The following CUX2 variants were observed in gnomAD, a reference collection of about 807,000 sequenced individuals.
CUX2 encodes homeobox protein cut-like 2.
In CUX2, 40 loss-of-function variants were observed where a neutral mutation model predicts 144.8. That is an observed-to-expected ratio of 0.28 (90% CI 0.21 to 0.36). The LOEUF is 0.36. Among genes scored for constraint, CUX2 ranks in the 10% least tolerant of loss-of-function variants. The pLI is 1.00. For missense variants in CUX2, 1,615 were observed against 1,994.0 expected, an observed-to-expected ratio of 0.81 and a Z score of 3.62; for synonymous variants, 827 against 875.6, an observed-to-expected ratio of 0.94 and a Z score of 0.98.
intron 21 of CUX2, among the ~76,000 whole-genome samples, chr12:111,346,927 G>T (rs1279705448): frequency 1.3e-5 from 2 of 152,090 alleles, no homozygotes; most frequent in Non-Finnish European, 2.9e-5. Flanking sequence ...CAGGAGAATT[G>T]CTTGAACCCA....
intron 2 of CUX2, among the ~76,000 whole-genome samples, 193 bp from the exon 3 acceptor site, chr12:111,217,697 A>T (rs761731800): frequency 6.6e-6 from 1 of 152,182 alleles, no homozygotes; most frequent in Non-Finnish European, 1.5e-5. Flanking sequence ...AACCCCTTGG[A>T]CTTGACGTTT....
intron 1 of CUX2, among the ~76,000 whole-genome samples, chr12:111,075,393 C>T (rs1015747635): frequency 6.6e-6 from 1 of 151,904 alleles, no homozygotes; most frequent in Non-Finnish European, 1.5e-5. Context: ...CCTGGTGGTC[C>T]GTAAGAGTTT....
chr12:111,054,930 G>T (rs1395684220), intron 1 of CUX2, among the ~76,000 whole-genome samples: 5 of 152,052 alleles, frequency 3.3e-5, no homozygotes, highest in Non-Finnish European at 5.9e-5. Context: ...CCCGGCCCTA[G>T]ACACTCTTAA....
At chr12:111,182,196 A>G (rs1454646857) in intron 1 of CUX2, among the ~76,000 whole-genome samples, 1 of 152,126 alleles carries the variant, frequency 6.6e-6, no homozygotes, top group East Asian at 1.9e-4. Flanking sequence ...ATAGAGCAGG[A>G]CCTAACTAGA....
At chr12:111,088,544 A>G (rs1475179978) in intron 1 of CUX2, among the ~76,000 whole-genome samples, 1 of 152,192 alleles carries the variant, frequency 6.6e-6, no homozygotes, top group Admixed American at 6.5e-5. Context: ...TGGAGTCTTC[A>G]TAGCAGCGGA....
At chr12:111,100,865 GC>G (rs1197173356) in intron 1 of CUX2, among the ~76,000 whole-genome samples, 1 of 152,142 alleles carries the variant, frequency 6.6e-6, no homozygotes, top group Non-Finnish European at 1.5e-5. Flanking sequence ...GCATGGGGGA[GC>G]CCCCAGTAGA....
chr12:111,055,095 G>C (rs893242246), intron 1 of CUX2, among the ~76,000 whole-genome samples: 1 of 152,228 alleles, frequency 6.6e-6, no homozygotes. Context: ...AGCAGAGACT[G>C]TGTATCATTG....
In CUX2 at chr12:111,196,260, T is replaced by C. The variant is rs58222811; in HGVS notation, c.64-17940T>C. On this transcript the variant is annotated intron_variant, in intron 1 of 21. Transcript: ENST00000261726. ...CACGTTTTATCCGTTCATCGGTTGATGGGCATGTGGGTTGTTTGTACTTTT... is the reference window on the plus strand; with the variant it reads ...CACGTTTTATCCGTTCATCGGTTGACGGGCATGTGGGTTGTTTGTACTTTT... 9.3e-3 allele frequency among the ~76,000 whole-genome samples: 1,424 copies of C among 152,370 alleles called. 28 individuals are homozygous for C. The highest frequency in any genetic ancestry group is 0.032 in the African/African-American group (1,326 of 41,580).
In CUX2 at chr12:111,330,712, T is replaced by C. The variant is rs776385241; in HGVS notation, c.2927-3729T>C. On this transcript the variant is annotated intron_variant, in intron 18 of 21. Transcript: ENST00000261726. ...ATATATATATATATATATATATATA[T>C]ATATATATATATATATATATATATA... Among the ~76,000 whole-genome samples the C allele has an allele frequency of 4.0e-3, 109 of 27,224 alleles. 7 individuals carry two copies. Among genetic ancestry groups the C allele is most frequent in the East Asian group, 0.024 (27 of 1,140 alleles). 17.9% of individuals were successfully genotyped at this position (27,224 alleles called of 152,430 possible).
intron 1 of CUX2, among the ~76,000 whole-genome samples, chr12:111,162,640 C>T (rs1248947934): frequency 1.3e-5 from 2 of 152,182 alleles, no homozygotes. Context: ...TTAGCAAGTG[C>T]GTGTATGTTT....
At chr12:111,302,320 C>G (rs1886331883) in intron 9 of CUX2, among the ~76,000 whole-genome samples, 1 of 152,038 alleles carries the variant, frequency 6.6e-6, no homozygotes, top group African/African-American at 2.4e-5. Context: ...CAAAGTTAAC[C>G]AATTATTGAT....
At chr12:111,298,201 C>T (rs1413589327) in intron 8 of CUX2, among the ~76,000 whole-genome samples, 3 of 152,182 alleles carry the variant, frequency 2.0e-5, no homozygotes, top group African/African-American at 2.4e-5. Flanking sequence ...CAGTGCAGGG[C>T]GGCCTCCCCG....
intron 1 of CUX2, among the ~76,000 whole-genome samples, chr12:111,091,625 C>A (rs1249223783): frequency 6.6e-6 from 1 of 152,182 alleles, no homozygotes; most frequent in Non-Finnish European, 1.5e-5. Context: ...TCTGAGGACA[C>A]TTGTAACAAA....
chr12:111,268,863 C>T (rs74618559), intron 4 of CUX2, among the ~76,000 whole-genome samples: 2,352 of 152,310 alleles, frequency 0.015, 64 homozygotes, highest in African/African-American at 0.052. Context: ...GGAGGATGAC[C>T]CTGTACAGAC....
At chr12:111,126,104 C>T (rs547672899) in intron 1 of CUX2, among the ~76,000 whole-genome samples, 17 of 149,558 alleles carry the variant, frequency 1.1e-4, no homozygotes, top group Admixed American at 9.3e-4. Flanking sequence ...TGAGAAGTCC[C>T]GAGGTCTTTT....
At chr12:111,254,589 C>T (rs1883718775) in intron 3 of CUX2, among the ~76,000 whole-genome samples, 1 of 152,228 alleles carries the variant, frequency 6.6e-6, no homozygotes, top group Non-Finnish European at 1.5e-5. Context: ...GAGTGACTTA[C>T]ACCTGAATGC....
chr12:111,064,225 G>C (rs1870931529), intron 1 of CUX2, among the ~76,000 whole-genome samples: 1 of 152,178 alleles, frequency 6.6e-6, no homozygotes, highest in African/African-American at 2.4e-5. Context: ...GCAGCAGGAG[G>C]CGATGTGGCA....
chr12:111,200,232 G>C (rs1376424826), intron 1 of CUX2, among the ~76,000 whole-genome samples: 1 of 151,946 alleles, frequency 6.6e-6, no homozygotes, highest in Non-Finnish European at 1.5e-5. Flanking sequence ...GCTGTCCCTG[G>C]CCATACCTTT....
chr12:111,072,765 C>T (rs1871302826), intron 1 of CUX2, among the ~76,000 whole-genome samples: 1 of 152,202 alleles, frequency 6.6e-6, no homozygotes, highest in African/African-American at 2.4e-5. Context: ...GTCCTCTTCC[C>T]AGCCCCATCA....
Sources: gnomAD v4.1 joint callset for allele counts (sites outside exome capture counted in the v4.1 genomes callset) on GRCh38, gnomAD v4.1.1 for gene constraint, MANE v1.5 for transcripts, NCBI Gene and HGNC (gene_info 2026-07-23, HGNC 2026-07-21) for gene names.